The following VPS39 variants were observed in gnomAD, a reference collection of about 807,000 sequenced individuals.
VPS39 encodes VPS39 subunit of HOPS complex, also known as vam6/Vps39-like protein.
Under a neutral mutation model 121.0 loss-of-function variants are expected in VPS39, and 70 were observed. The observed-to-expected ratio is 0.58, with a 90% confidence interval of 0.48 to 0.71. The LOEUF is 0.71. VPS39 is among the 30% of genes least tolerant of loss of function. The pLI is 0.00. For missense variants in VPS39, 818 were observed against 1,051.5 expected, an observed-to-expected ratio of 0.78 and a Z score of 3.07; for synonymous variants, 378 against 398.1, an observed-to-expected ratio of 0.95 and a Z score of 0.60.
chr15:42,189,626 G>A (rs926652583), intron 4 of VPS39, among the ~76,000 whole-genome samples: 6 of 149,888 alleles, frequency 4.0e-5, no homozygotes, highest in South Asian at 2.1e-4. Flanking sequence ...CTACTCAGGG[G>A]GTTGAAGCAG....
At chr15:42,161,078 C>T (rs935854201) in intron 24 of VPS39, 2 of 486,970 alleles carry the variant, frequency 4.1e-6, no homozygotes, top group Non-Finnish European at 7.4e-6. Flanking sequence ...ATGCAAAACA[C>T]AAGGCATATT....
In VPS39 at chr15:42,167,528, G is replaced by T. The variant is rs1194256971; in HGVS notation, c.1243C>A (p.Gln415Lys). 1 of 1,613,902 alleles carries T rather than the reference G, an allele frequency of 6.2e-7. No individual in the cohort carries two copies. Among genetic ancestry groups the T allele is most frequent in the Non-Finnish European group, 8.5e-7 (1 of 1,179,988 alleles). ...GAGTCATTCAGCTTCTTTACCAATTGACTTCGTTTCTGCAAAGGTCAAAAT... is the reference window on the plus strand; with the variant it reads ...GAGTCATTCAGCTTCTTTACCAATTTACTTCGTTTCTGCAAAGGTCAAAAT... ...LIDYLTQKRSQLVKKLNDSDH... is the reference protein window; with the variant it reads ...LIDYLTQKRSKLVKKLNDSDH... Residue 415 changes from glutamine (Q) to lysine (K), a missense_variant, in exon 13 of 25, where the codon CAA becomes AAA. Gln to Lys is a moderately conservative substitution (Grantham distance 53). Coordinates refer to ENST00000318006, the MANE Select transcript of VPS39 (RefSeq NM_015289.5).
chr15:42,167,307 G>A, intron 13 of VPS39, 87 bp downstream of exon 13: 1 of 1,493,234 alleles, frequency 6.7e-7, no homozygotes, highest in Non-Finnish European at 9.0e-7. Flanking sequence ...CTAATGGCAG[G>A]TCCCTCAGGG....
At position 42,158,939 on chromosome 15, in the gene VPS39, C is replaced by G. The variant is rs533688998; in HGVS notation, c.*1815G>C. 1 of 152,404 alleles carries G rather than the reference C, an allele frequency of 6.6e-6. No homozygotes were observed. The highest frequency in any genetic ancestry group is 2.4e-5 in the African/African-American group (1 of 41,586). The allele number at this position is 152,404 out of a possible 1,614,324, so 9.4% of individuals were successfully genotyped here. On this transcript the variant is annotated 3_prime_UTR_variant, in exon 25 of 25. Coordinates refer to ENST00000318006, the MANE Select transcript of VPS39 (RefSeq NM_015289.5). ...GTTTGTGAGAATGGAAGATAACAAG[C>G]ACAGCTGGCCAGGAAGGCAGGGCAC...
intron 9 of VPS39, 50 bp from the exon 10 acceptor site, chr15:42,178,388 A>C (rs1258011025): frequency 6.2e-7 from 1 of 1,613,810 alleles, no homozygotes; most frequent in African/African-American, 1.3e-5. Flanking sequence ...CTTTGTGATG[A>C]CACAGGTGAC....
At chr15:42,183,072 C>A (rs2049617413) in intron 8 of VPS39, among the ~76,000 whole-genome samples, 1 of 151,820 alleles carries the variant, frequency 6.6e-6, no homozygotes, top group African/African-American at 2.4e-5. Flanking sequence ...TAACCACAAC[C>A]AGAACAATCA....
intron 24 of VPS39, 163 bp downstream of exon 24, chr15:42,161,519 T>C (rs768757085): frequency 2.6e-6 from 2 of 783,240 alleles, no homozygotes; most frequent in East Asian, 2.4e-5. Context: ...TCCCAACAGA[T>C]AGAACAGGCT....
At chr15:42,190,989 AT>A in intron 4 of VPS39, 135 bp downstream of exon 4, 1 of 919,638 alleles carries the variant, frequency 1.1e-6, no homozygotes, top group Non-Finnish European at 1.7e-6. Flanking sequence ...TTTATTAACC[AT>A]GTACCCTGTT....
chr15:42,203,272 C>G (rs1274246192), intron 1 of VPS39, among the ~76,000 whole-genome samples: 1 of 152,000 alleles, frequency 6.6e-6, no homozygotes, highest in African/African-American at 2.4e-5. Flanking sequence ...AGTTCAAGAC[C>G]AGTCTGGCCA....
rs1376399367 is a variant in VPS39 at position 42,162,501 on chromosome 15, G to A, written c.2176-20C>T. 6.4e-7 allele frequency: 1 copy of A among 1,572,682 alleles called. No individual in the cohort carries two copies. Among genetic ancestry groups the A allele is most frequent in the East Asian group, 2.3e-5 (1 of 44,268 alleles). On this transcript the variant is annotated intron_variant, in intron 21 of 24. Transcript: ENST00000318006. ...ATACACCTGTCTCAGAGAGACATGAGCTACGTCAGGCTGGCAGCAACCCTC... is the reference window on the plus strand; with the variant it reads ...ATACACCTGTCTCAGAGAGACATGAACTACGTCAGGCTGGCAGCAACCCTC...
intron 2 of VPS39, among the ~76,000 whole-genome samples, chr15:42,197,185 G>T (rs1260490630): frequency 8.8e-6 from 1 of 114,106 alleles, no homozygotes; most frequent in East Asian, 3.0e-4. Flanking sequence ...GTGGGGTGGG[G>T]GGAGGGGGGA....
At chr15:42,195,138 GT>G (rs1435176726) in intron 2 of VPS39, among the ~76,000 whole-genome samples, 12 of 152,016 alleles carry the variant, frequency 7.9e-5, no homozygotes, top group African/African-American at 2.7e-4. Context: ...AGCCCTCTCA[GT>G]TCAAAATAAG....
chr15:42,186,417 G>A (rs956345261), intron 7 of VPS39, among the ~76,000 whole-genome samples: 2 of 152,110 alleles, frequency 1.3e-5, no homozygotes, highest in Non-Finnish European at 1.5e-5. Context: ...CTCCCGCCTG[G>A]GTGACAGAGG....
Position 42,159,176 on chromosome 15 carries a change from C to T in VPS39, c.*1578G>A, listed in dbSNP as rs1204116642. On this transcript the variant is annotated 3_prime_UTR_variant, in exon 25 of 25. Coordinates refer to ENST00000318006, the MANE Select transcript of VPS39 (RefSeq NM_015289.5). ...TCACAGGCCTGAGCAGAGTCTCCCA[C>T]ATCTGCGAATGGGGCCAATGGCACT... is the stretch of plus-strand genomic sequence containing the variant. The T allele has an allele frequency of 6.6e-6, 1 of 152,308 alleles. No homozygotes were observed. Among genetic ancestry groups the T allele is most frequent in the African/African-American group, 2.4e-5 (1 of 41,472 alleles). 9.4% of individuals were successfully genotyped at this position (152,308 alleles called of 1,614,324 possible).
At position 42,162,148 on chromosome 15, in the gene VPS39, C is replaced by T; in HGVS notation, c.2344G>A (p.Ala782Thr). 1.9e-6 allele frequency: 3 copies of T among 1,614,180 alleles called. No individual in the cohort carries two copies. The highest frequency in any genetic ancestry group is 1.7e-6 in the Non-Finnish European group (2 of 1,180,032). The change falls in exon 23 of 25, where the codon GCA becomes ACA. Residue 782 changes from alanine (A) to threonine (T), a missense_variant. Transcript: ENST00000318006. ...DTTKALNLLP[A>T]NTQINDIRIF... ...CGTATGTCATTGATCTGAGTGTTTG[C>T]TGGCAGAAGGTTGAGGGCCTAGGGA...
rs773530201 is a variant in VPS39 at position 42,187,843 on chromosome 15, C to T, written c.356G>A (p.Gly119Asp). The change falls in exon 6 of 25, where the codon GGT becomes GAT. Residue 119 changes from glycine to aspartate, a missense_variant. Physicochemically the swap from Gly to Asp is moderately conservative, Grantham distance 94. Transcript: ENST00000318006. Reference sequence around the variant, plus strand: ...CACACACATCCGTAACACCTCCTCACCGGTCTCTGTGTGCTGGGAGGAGAC... The same window carrying T: ...CACACACATCCGTAACACCTCCTCATCGGTCTCTGTGTGCTGGGAGGAGAC... Reference protein sequence around the residue: ...FTCDLQHTETGEEVLRMCVAV... With the variant: ...FTCDLQHTETDEEVLRMCVAV... 1.9e-6 allele frequency: 3 copies of T among 1,614,208 alleles called. No homozygotes were observed. Among genetic ancestry groups the T allele is most frequent in the Admixed American group, 1.7e-5 (1 of 60,020 alleles).
chr15:42,191,537 G>C lies in VPS39; in HGVS notation c.163C>G (p.Leu55Val). 1 of 1,614,014 alleles carries C rather than the reference G, an allele frequency of 6.2e-7. No homozygotes were observed. Among genetic ancestry groups the C allele is most frequent in the Non-Finnish European group, 8.5e-7 (1 of 1,179,982 alleles). ...DVGCNRFEVT[L>V]EKSNKNFSKK... Reference sequence around the variant, plus strand: ...GAGAAGTTCTTATTGGATTTCTCTAGTGTCACTTCAAATCTGTTGCAACCT... The same window carrying C: ...GAGAAGTTCTTATTGGATTTCTCTACTGTCACTTCAAATCTGTTGCAACCT... Residue 55 changes from leucine (L) to valine (V), a missense_variant, in exon 3 of 25, where the codon CTA becomes GTA. Physicochemically the swap from Leu to Val is conservative, Grantham distance 32. Coordinates refer to ENST00000318006, the MANE Select transcript of VPS39 (RefSeq NM_015289.5).
chr15:42,174,547 G>C (rs2049410207), intron 10 of VPS39, among the ~76,000 whole-genome samples: 1 of 152,176 alleles, frequency 6.6e-6, no homozygotes, highest in Non-Finnish European at 1.5e-5. Flanking sequence ...GGCCAAATCT[G>C]AATAAAACCT....
At chr15:42,198,759 T>A (rs372795945) in intron 2 of VPS39, among the ~76,000 whole-genome samples, 2 of 152,204 alleles carry the variant, frequency 1.3e-5, no homozygotes, top group South Asian at 2.1e-4. Flanking sequence ...CCATACCTAT[T>A]CATTACATAT....
Sources: allele counts gnomAD v4.1 joint callset (sites outside exome capture counted in the v4.1 genomes callset), GRCh38; gene constraint gnomAD v4.1.1; transcripts MANE v1.5; gene names NCBI Gene and HGNC (gene_info 2026-07-23, HGNC 2026-07-21).